Variants in CGRRF1 observed in about 807,000 individuals in gnomAD.
CGRRF1 encodes cell growth regulator with ring finger domain 1.
CGRRF1 carries 32 observed loss-of-function variants against 37.2 expected under a neutral mutation model. That is an observed-to-expected ratio of 0.86 (90% CI 0.65 to 1.16). The LOEUF (loss-of-function observed/expected upper bound fraction) is 1.16, where lower values mean the gene tolerates loss of function less well. CGRRF1 is among the 50% of genes most tolerant of loss of function. The pLI, the probability that CGRRF1 is intolerant of heterozygous loss-of-function variation, is 0.00. For missense variants in CGRRF1, 391 were observed against 382.6 expected, an observed-to-expected ratio of 1.02 and a Z score of -0.18; for synonymous variants, 141 against 140.3, an observed-to-expected ratio of 1.00 and a Z score of -0.04.
intron 1 of CGRRF1, 65 bp downstream of exon 1, chr14:54,510,128 CA>C: frequency 8.0e-7 from 1 of 1,253,590 alleles, no homozygotes; most frequent in Non-Finnish European, 1.2e-6. Context: ...CGACGAGCAG[CA>C]GGGGGCACCG....
chr14:54,527,093 A>G (rs1049918615), intron 2 of CGRRF1, among the ~76,000 whole-genome samples: 8 of 152,024 alleles, frequency 5.3e-5, no homozygotes, highest in African/African-American at 1.9e-4. Context: ...TGCTTCACTT[A>G]TTTTGATTCT....
At chr14:54,529,360 C>A (rs534328940) in intron 2 of CGRRF1, among the ~76,000 whole-genome samples, 3 of 152,312 alleles carry the variant, frequency 2.0e-5, no homozygotes, top group East Asian at 3.9e-4. Flanking sequence ...CATCTACTTA[C>A]AATTTGTATA....
chr14:54,513,526 T>C (rs907023654), intron 1 of CGRRF1, among the ~76,000 whole-genome samples: 2 of 152,234 alleles, frequency 1.3e-5, no homozygotes, highest in African/African-American at 4.8e-5. Context: ...CACTTCATTT[T>C]GTGTAGCCAC....
At chr14:54,522,937 A>G (rs1330343601) in intron 2 of CGRRF1, among the ~76,000 whole-genome samples, 1 of 152,194 alleles carries the variant, frequency 6.6e-6, no homozygotes, top group Non-Finnish European at 1.5e-5. Context: ...AATACAGTTA[A>G]CGTAAGGTTG....
chr14:54,511,597 A>G (rs1458396231), intron 1 of CGRRF1, among the ~76,000 whole-genome samples: 1 of 152,246 alleles, frequency 6.6e-6, no homozygotes, highest in East Asian at 1.9e-4. Context: ...TAGGCCAACT[A>G]ATTAGATATC....
At chr14:54,528,729 A>ATACC (rs1279409838) in intron 2 of CGRRF1, among the ~76,000 whole-genome samples, 2 of 152,176 alleles carry the variant, frequency 1.3e-5, no homozygotes, top group Non-Finnish European at 2.9e-5. Context: ...TCTTGAGTTA[A>ATACC]TACCTGATGA....
At chr14:54,511,809 A>G (rs1172711818) in intron 1 of CGRRF1, among the ~76,000 whole-genome samples, 2 of 152,210 alleles carry the variant, frequency 1.3e-5, no homozygotes, top group African/African-American at 2.4e-5. Context: ...CCATGTAATT[A>G]TAGAACGTTT....
intron 1 of CGRRF1, among the ~76,000 whole-genome samples, chr14:54,511,826 C>T (rs2032134316): frequency 6.6e-6 from 1 of 152,188 alleles, no homozygotes; most frequent in African/African-American, 2.4e-5. Context: ...GTTTGGAAGT[C>T]TGGGCTAAGC....
At chr14:54,530,027 C>G (rs1225868927) in intron 2 of CGRRF1, 22 bp from the exon 3 acceptor site, 1 of 1,585,468 alleles carries the variant, frequency 6.3e-7, no homozygotes, top group East Asian at 2.3e-5. Flanking sequence ...CACTTTCATT[C>G]TTTCTCCTTT....
rs1333833809 is a variant in CGRRF1 at position 54,530,981 on chromosome 14, C to G, written c.501C>G (p.Pro167=). ...DTKIEDFGTV[P]RSRYPLVALL... Reference sequence around the variant, plus strand: ...AAATTGAAGACTTTGGTACAGTACCCAGATCTCGCTATCCATTGGTAGCGC... The same window carrying G: ...AAATTGAAGACTTTGGTACAGTACCGAGATCTCGCTATCCATTGGTAGCGC... Residue 167 remains proline (P), a synonymous_variant, in exon 4 of 6, where the codon CCC becomes CCG. Transcript: ENST00000216420. 6.2e-7 allele frequency: 1 copy of G among 1,610,798 alleles called. No individual in the cohort carries two copies. The highest frequency in any genetic ancestry group is 8.5e-7 in the Non-Finnish European group (1 of 1,177,214).
intron 4 of CGRRF1, among the ~76,000 whole-genome samples, chr14:54,534,370 G>A (rs749607627): frequency 2.6e-5 from 4 of 152,070 alleles, no homozygotes; most frequent in South Asian, 2.1e-4. Context: ...TGATCGACCC[G>A]CCTCGGCCTC....
chr14:54,532,463 G>A (rs1377180729), intron 4 of CGRRF1, among the ~76,000 whole-genome samples: 1 of 152,080 alleles, frequency 6.6e-6, no homozygotes, highest in African/African-American at 2.4e-5. Context: ...TTGCTTTTGG[G>A]ATTTTTGGTG....
At chr14:54,526,810 C>G (rs542626837) in intron 2 of CGRRF1, among the ~76,000 whole-genome samples, 5 of 152,286 alleles carry the variant, frequency 3.3e-5, no homozygotes, top group South Asian at 2.1e-4. Context: ...AACCTCCATT[C>G]TCTACAACCT....
At chr14:54,537,336 C>T (rs2032615962) in intron 4 of CGRRF1, 1 of 152,760 alleles carries the variant, frequency 6.5e-6, no homozygotes, top group African/African-American at 2.4e-5. Flanking sequence ...ATGCATGTAG[C>T]TCTCTAAGCA....
Position 54,537,825 on chromosome 14 carries a change from TTAAGG to T in CGRRF1, c.678+1_678+5del, listed in dbSNP as rs771138217. 8 of 1,601,844 alleles carry T rather than the reference TTAAGG, an allele frequency of 5.0e-6. No homozygotes were observed. The Admixed American group carries it at 5.3e-5, about 11-fold the overall frequency. On this transcript the variant is annotated splice_donor_variant and coding_sequence_variant, in exon 5 of 6. Coordinates refer to ENST00000216420, the MANE Select transcript of CGRRF1 (RefSeq NM_006568.3). LOFTEE classifies it high-confidence loss of function. ...TTGGCTCAAGGTCAATTTCATGATC[TTAAGG>T]TAAGCCGTACTCTGTAGTCTTATCT...
chr14:54,529,885 A>G (rs1180999701), intron 2 of CGRRF1, among the ~76,000 whole-genome samples, 164 bp from the exon 3 acceptor site: 1 of 152,218 alleles, frequency 6.6e-6, no homozygotes, highest in Non-Finnish European at 1.5e-5. Context: ...CTCTTGTTAC[A>G]GAGGCCAGTT....
intron 2 of CGRRF1, among the ~76,000 whole-genome samples, chr14:54,528,207 T>A (rs2032446335): frequency 7.3e-6 from 1 of 136,632 alleles, no homozygotes; most frequent in Admixed American, 7.3e-5. Flanking sequence ...ACCTCAATTC[T>A]TTTTTTTTTT....
intron 1 of CGRRF1, among the ~76,000 whole-genome samples, chr14:54,513,321 G>A (rs981182287): frequency 6.6e-6 from 1 of 152,200 alleles, no homozygotes; most frequent in Non-Finnish European, 1.5e-5. Flanking sequence ...CTGTGTGCTG[G>A]AGGACCAAGT....
intron 2 of CGRRF1, chr14:54,523,002 C>G (rs1407063122): frequency 3.9e-5 from 6 of 153,602 alleles, no homozygotes; most frequent in Admixed American, 2.0e-4. Flanking sequence ...GATTCTTACT[C>G]TGTCATCCAG....
Sources: allele counts gnomAD v4.1 joint callset (sites outside exome capture counted in the v4.1 genomes callset), GRCh38; gene constraint gnomAD v4.1.1; transcripts MANE v1.5; gene names NCBI Gene and HGNC (gene_info 2026-07-23, HGNC 2026-07-21).